The following DRICH1 variants were observed in gnomAD, a reference collection of about 807,000 sequenced individuals.
The protein encoded by DRICH1 is aspartate-rich protein 1.
DRICH1 carries 38 observed loss-of-function variants against 39.5 expected under a neutral mutation model. The observed-to-expected ratio is 0.96, with a 90% CI of 0.74 to 1.26. DRICH1 has a LOEUF of 1.26. Among genes scored for constraint, DRICH1 ranks in the 50% most tolerant of loss-of-function variants. The pLI is 0.00. For missense variants in DRICH1, 279 were observed against 270.4 expected, an observed-to-expected ratio of 1.03 and a Z score of -0.22; for synonymous variants, 84 against 99.5, an observed-to-expected ratio of 0.84 and a Z score of 0.93.
chr22:23,594,277 A>AC, the DRICH1 span, among the ~76,000 whole-genome samples: 1 of 144,872 alleles, frequency 6.9e-6, no homozygotes, highest in East Asian at 1.9e-4. Flanking sequence ...AACAACAACA[A>AC]AAAAAAGTTG....
the DRICH1 span, among the ~76,000 whole-genome samples, chr22:23,601,146 GCACA>G: frequency 3.6e-3 from 529 of 146,158 alleles, 1 homozygote; most frequent in East Asian, 6.0e-3. Flanking sequence ...ACGCACGCGC[GCACA>G]CACACACACA....
chr22:23,585,425 C>T, the DRICH1 span, among the ~76,000 whole-genome samples: 16 of 152,214 alleles, frequency 1.1e-4, no homozygotes, highest in Non-Finnish European at 1.9e-4. Flanking sequence ...GCATGAGCCA[C>T]CATGCCCGCC....
chr22:23,595,837 A>G, the DRICH1 span, among the ~76,000 whole-genome samples: 1 of 152,172 alleles, frequency 6.6e-6, no homozygotes, highest in Non-Finnish European at 1.5e-5. Context: ...TTCTAAAGAG[A>G]TCTAGGGAGG....
intron 3 of DRICH1, chr22:23,623,835 T>C (rs1338518232): frequency 3.5e-6 from 2 of 570,790 alleles, no homozygotes; most frequent in African/African-American, 2.1e-5. Flanking sequence ...CAGAATTAAA[T>C]GCACACATAC....
At chr22:23,630,282 T>C (rs1422041842) in intron 1 of DRICH1, among the ~76,000 whole-genome samples, 1 of 152,190 alleles carries the variant, frequency 6.6e-6, no homozygotes, top group East Asian at 1.9e-4. Flanking sequence ...CTCCCTGGTG[T>C]GGGGTCATAT....
chr22:23,616,940 C>A, intron 7 of DRICH1, 66 bp from the exon 8 acceptor site: 1 of 1,569,924 alleles, frequency 6.4e-7, no homozygotes, highest in Non-Finnish European at 8.8e-7. Context: ...TTACACAGAT[C>A]TGTTAGTCTC....
chr22:23,627,292 C>T (rs764235775), intron 1 of DRICH1, among the ~76,000 whole-genome samples: 68 of 151,960 alleles, frequency 4.5e-4, no homozygotes, highest in Non-Finnish European at 4.6e-4. Context: ...AGGCTGGTCT[C>T]GAACTCCTGA....
At chr22:23,587,773 ACTCT>A in the DRICH1 span, among the ~76,000 whole-genome samples, 1 of 151,634 alleles carries the variant, frequency 6.6e-6, no homozygotes, top group Admixed American at 6.6e-5. Flanking sequence ...TGTGACAAAG[ACTCT>A]CTCCTTGAAA....
At chr22:23,614,723 A>G (rs2123768851) in intron 8 of DRICH1, among the ~76,000 whole-genome samples, 1 of 152,358 alleles carries the variant, frequency 6.6e-6, no homozygotes, top group East Asian at 1.9e-4. Flanking sequence ...ATCATTTTAA[A>G]AATTCAATAT....
the DRICH1 span, among the ~76,000 whole-genome samples, chr22:23,598,799 C>T: frequency 6.7e-6 from 1 of 149,526 alleles, no homozygotes; most frequent in African/African-American, 2.6e-5. Context: ...GTGCTCCATA[C>T]AGGCGCCCTC....
At chr22:23,631,525 G>C (rs867011486) in intron 1 of DRICH1, among the ~76,000 whole-genome samples, 14 of 152,166 alleles carry the variant, frequency 9.2e-5, no homozygotes, top group South Asian at 2.1e-4. Flanking sequence ...CCTTCATTTA[G>C]GTACCAAACC....
chr22:23,619,218 C>A, intron 6 of DRICH1, 146 bp downstream of exon 6: 1 of 556,228 alleles, frequency 1.8e-6, no homozygotes, highest in East Asian at 3.1e-5. Flanking sequence ...TTATATTAGT[C>A]ATGTTAAATC....
Position 23,619,440 on chromosome 22 carries a change from T to C in DRICH1, c.407-47A>G, listed in dbSNP as rs745895400. ...AATCTAAGACTTTAAGGAATCTCTA[T>C]GTGCCTCAAATAACCATGGTAATGT... On this transcript the variant is annotated intron_variant, in intron 5 of 11. Coordinates refer to ENST00000317749, the MANE Select transcript of DRICH1 (RefSeq NM_016449.4). 1.2e-5 allele frequency: 9 copies of C among 777,028 alleles called. No individual in the cohort carries two copies. In the East Asian group the frequency reaches 1.2e-4, roughly 11 times the overall value. 48.1% of individuals were successfully genotyped at this position (777,028 alleles called of 1,614,324 possible). A position where few individuals can be genotyped will look rare whatever the true frequency, so the allele number is the denominator to read the frequency against.
intron 3 of DRICH1, among the ~76,000 whole-genome samples, chr22:23,623,406 A>G (rs879757029): frequency 7.9e-5 from 12 of 152,196 alleles, no homozygotes; most frequent in Admixed American, 7.9e-4. Context: ...TCCATCTCAA[A>G]AAACAAAAAA....
chr22:23,597,275 T>C, the DRICH1 span, among the ~76,000 whole-genome samples: 2 of 149,234 alleles, frequency 1.3e-5, no homozygotes, highest in African/African-American at 2.5e-5. Flanking sequence ...GTGAAGTGTG[T>C]GAACCCAGAA....
At chr22:23,601,440 G>A in the DRICH1 span, among the ~76,000 whole-genome samples, 6 of 152,128 alleles carry the variant, frequency 3.9e-5, no homozygotes, top group Admixed American at 3.9e-4. Context: ...ATGCTGAGTG[G>A]GAGAAAGCCA....
chr22:23,624,205 GA>G, intron 3 of DRICH1: 1 of 985,430 alleles, frequency 1.0e-6, no homozygotes, highest in Non-Finnish European at 1.2e-6. Context: ...GCACACCGCA[GA>G]AGAATTCTGT....
chr22:23,597,582 G>A, the DRICH1 span, among the ~76,000 whole-genome samples: 4 of 151,946 alleles, frequency 2.6e-5, no homozygotes, highest in African/African-American at 4.8e-5. Context: ...CCGTGTATGC[G>A]CCAGGCACTA....
At chr22:23,628,661 G>C (rs1261001345) in intron 1 of DRICH1, among the ~76,000 whole-genome samples, 1 of 152,174 alleles carries the variant, frequency 6.6e-6, no homozygotes, top group Non-Finnish European at 1.5e-5. Context: ...ACTTCCATAA[G>C]AGGTGAAAAA....
Sources: allele counts gnomAD v4.1 joint callset (sites outside exome capture counted in the v4.1 genomes callset), GRCh38; gene constraint gnomAD v4.1.1; transcripts MANE v1.5; gene names NCBI Gene and HGNC (gene_info 2026-07-23, HGNC 2026-07-21).